Variants in PPP1R9A observed in about 807,000 individuals in gnomAD.
The protein encoded by PPP1R9A is protein phosphatase 1 regulatory subunit 9A.
A neutral mutation model predicts 141.9 loss-of-function variants in PPP1R9A; 59 were observed. The ratio of observed to expected loss-of-function variants is 0.42; its 90% CI spans 0.34 to 0.52. The LOEUF (loss-of-function observed/expected upper bound fraction) is 0.52, where lower values mean the gene tolerates loss of function less well. Ranked by LOEUF, PPP1R9A falls within the 20% of genes least tolerant of loss-of-function variation. The pLI is 0.10. For missense variants in PPP1R9A, 1,444 were observed against 1,611.9 expected (o/e 0.90, Z 1.78); for synonymous variants, 500 against 569.7 (o/e 0.88, Z 1.74).
At chr7:95,021,947 A>G (rs1806028630) in intron 2 of PPP1R9A, among the ~76,000 whole-genome samples, 1 of 152,144 alleles carries the variant, frequency 6.6e-6, no homozygotes, top group Non-Finnish European at 1.5e-5. Flanking sequence ...TGTCTTGGCT[A>G]TGTGGGCTGT....
chr7:95,260,773 G>C (rs1585515093), intron 12 of PPP1R9A, among the ~76,000 whole-genome samples: 1 of 151,966 alleles, frequency 6.6e-6, no homozygotes, highest in East Asian at 1.9e-4. Context: ...TTTAGGAAAA[G>C]TGGGCTACTT....
chr7:95,157,260 C>CG, intron 4 of PPP1R9A, among the ~76,000 whole-genome samples: 1 of 152,210 alleles, frequency 6.6e-6, no homozygotes, highest in East Asian at 1.9e-4. Context: ...TCCCCCTCTC[C>CG]CCCCCCAGAG....
At chr7:95,258,810 TG>T (rs774026931) in intron 12 of PPP1R9A, among the ~76,000 whole-genome samples, 1 of 152,128 alleles carries the variant, frequency 6.6e-6, no homozygotes, top group Non-Finnish European at 1.5e-5. Context: ...CACAGTAAAA[TG>T]TGATAGCCAG....
intron 2 of PPP1R9A, among the ~76,000 whole-genome samples, chr7:94,929,059 A>G (rs191056155): frequency 6.6e-6 from 1 of 152,354 alleles, no homozygotes; most frequent in Admixed American, 6.5e-5. Flanking sequence ...GGTGTCTTAC[A>G]TTAATATAGA....
intron 7 of PPP1R9A, among the ~76,000 whole-genome samples, chr7:95,205,667 G>T (rs1790632417): frequency 6.6e-6 from 1 of 152,082 alleles, no homozygotes; most frequent in Non-Finnish European, 1.5e-5. Flanking sequence ...CACTGACTCT[G>T]TTGCCCTTGT....
At chr7:95,085,210 C>T (rs1816440670) in intron 2 of PPP1R9A, among the ~76,000 whole-genome samples, 1 of 151,716 alleles carries the variant, frequency 6.6e-6, no homozygotes. Context: ...TATATCTTAG[C>T]CCCATTTTTT....
At chr7:95,010,412 A>T (rs1371679657) in intron 2 of PPP1R9A, among the ~76,000 whole-genome samples, 2 of 151,928 alleles carry the variant, frequency 1.3e-5, no homozygotes, top group Non-Finnish European at 2.9e-5. Flanking sequence ...CCCATCAGAG[A>T]TGGCAAGAAA....
chr7:95,013,557 C>T (rs1025462855), intron 2 of PPP1R9A, among the ~76,000 whole-genome samples: 1 of 152,088 alleles, frequency 6.6e-6, no homozygotes, highest in African/African-American at 2.4e-5. Context: ...CTGCAAATTT[C>T]ACCAAATCTT....
At position 95,100,844 on chromosome 7, in the gene PPP1R9A, ATTTTTT is replaced by A. The variant is rs34210406; in HGVS notation, c.1396-10394_1396-10389del. Among the ~76,000 whole-genome samples the A allele has an allele frequency of 8.6e-5, 6 of 70,162 alleles. No homozygotes were observed. In the South Asian group the frequency reaches 3.6e-3, roughly 42 times the overall value. 46.0% of individuals were successfully genotyped at this position (70,162 alleles called of 152,430 possible). On this transcript the variant is annotated intron_variant, in intron 2 of 19. Transcript: ENST00000433360. ...GACACATCCCCAGGTTCTTTGTCTG[ATTTTTT>A]TTTTTTTTTTTTTTTTTTTTGAGAC...
In PPP1R9A at chr7:95,294,056, A is replaced by AG. The variant is rs921095864; in HGVS notation, c.*3757dup. The stretch of plus-strand genomic sequence containing the variant: ...GGTACTCCTGACAGAGCTGGAGATG[A>AG]GGGGCATTTTGGTGGGCAGTGGTCA... On this transcript the variant is annotated 3_prime_UTR_variant, in exon 20 of 20. Coordinates refer to ENST00000433360, the MANE Select transcript of PPP1R9A (RefSeq NM_001166160.2). The AG allele has an allele frequency of 6.6e-6, 1 of 152,168 alleles. No homozygotes were observed. Among genetic ancestry groups the AG allele is most frequent in the Non-Finnish European group, 1.5e-5 (1 of 68,056 alleles). 9.4% of individuals were successfully genotyped at this position (152,168 alleles called of 1,614,324 possible).
intron 5 of PPP1R9A, among the ~76,000 whole-genome samples, chr7:95,166,859 T>C (rs764749364): frequency 2.6e-5 from 4 of 152,182 alleles, no homozygotes; most frequent in Admixed American, 6.5e-5. Flanking sequence ...TGGCTCAACA[T>C]ATGCAAATCA....
intron 5 of PPP1R9A, among the ~76,000 whole-genome samples, chr7:95,167,230 G>A (rs1852581): frequency 0.34 from 52,047 of 151,808 alleles, 9,882 homozygotes; most frequent in Middle Eastern, 0.47. Context: ...TTTTAAAACC[G>A]TCTTATCTCG....
At chr7:95,151,830 CAGGT>C (rs1395226297) in intron 4 of PPP1R9A, among the ~76,000 whole-genome samples, 10 of 149,552 alleles carry the variant, frequency 6.7e-5, no homozygotes, top group African/African-American at 1.7e-4. Flanking sequence ...ATTTCCAAAA[CAGGT>C]AGGAGAAGGG....
chr7:95,140,079 T>C (rs1826372368), intron 4 of PPP1R9A, among the ~76,000 whole-genome samples: 1 of 152,224 alleles, frequency 6.6e-6, no homozygotes, highest in South Asian at 2.1e-4. Flanking sequence ...TGAACCCAGC[T>C]CTTGCTACTT....
Position 95,208,337 on chromosome 7 carries a change from A to G in PPP1R9A, c.1956+4607A>G, listed in dbSNP as rs922980765. Among the ~76,000 whole-genome samples, 4 of 152,330 alleles carry G rather than the reference A, an allele frequency of 2.6e-5. No homozygotes were observed. In the East Asian group the frequency reaches 5.8e-4, roughly 22 times the overall value. On this transcript the variant is annotated intron_variant, in intron 7 of 19. Coordinates refer to ENST00000433360, the MANE Select transcript of PPP1R9A (RefSeq NM_001166160.2). ...CCATATAATCCATACCCAAAATTCC[A>G]TCTCAAGTGGACTGACTACGTAAAT...
chr7:95,187,107 C>G (rs1340931629), intron 5 of PPP1R9A, among the ~76,000 whole-genome samples: 1 of 152,080 alleles, frequency 6.6e-6, no homozygotes, highest in Non-Finnish European at 1.5e-5. Flanking sequence ...CTTTAAACAC[C>G]TGACAGAATT....
chr7:94,958,025 C>G (rs1286363821), intron 2 of PPP1R9A, among the ~76,000 whole-genome samples: 2 of 151,968 alleles, frequency 1.3e-5, no homozygotes, highest in African/African-American at 2.4e-5. Flanking sequence ...CTTTATTAAT[C>G]ATTAATCAGT....
chr7:95,145,272 A>G (rs1827395509), intron 4 of PPP1R9A, among the ~76,000 whole-genome samples: 2 of 152,204 alleles, frequency 1.3e-5, no homozygotes, highest in African/African-American at 4.8e-5. Context: ...ATAAAACAGA[A>G]AAGAGTACCT....
intron 12 of PPP1R9A, among the ~76,000 whole-genome samples, chr7:95,257,648 T>C (rs1170947690): frequency 2.0e-5 from 3 of 152,092 alleles, no homozygotes; most frequent in African/African-American, 7.2e-5. Context: ...GTATATCTCC[T>C]AATGCTATCC....
Sources: allele counts gnomAD v4.1 joint callset (sites outside exome capture counted in the v4.1 genomes callset), GRCh38; gene constraint gnomAD v4.1.1; transcripts MANE v1.5; gene names NCBI Gene and HGNC (gene_info 2026-07-23, HGNC 2026-07-21).